RGPD4: variants seen among roughly 807,000 people sequenced by gnomAD.
The protein encoded by RGPD4 is RANBP2 like and GRIP domain containing 4.
A neutral mutation model predicts 141.1 loss-of-function variants in RGPD4; 84 were observed. That is an observed-to-expected ratio of 0.60 (90% CI 0.50 to 0.71). The LOEUF (loss-of-function observed/expected upper bound fraction) is 0.71. Ranked by LOEUF, RGPD4 falls within the 30% of genes least tolerant of loss-of-function variation. The probability of loss-of-function intolerance (pLI) is 0.00; values close to 1 mark genes in which losing one functional copy is unlikely to be tolerated. For synonymous variants in RGPD4, 298 were observed against 566.8 expected (o/e 0.53, Z 6.74); for missense variants, 918 against 1,622.4 (o/e 0.57, Z 7.46).
At chr2:107,828,731 C>G (rs1466706645) in intron 1 of RGPD4, among the ~76,000 whole-genome samples, 1 of 26,592 alleles carries the variant, frequency 3.8e-5, no homozygotes, top group Non-Finnish European at 8.5e-5. Context: ...GCGGCGGCCT[C>G]GACCTGGCCC....
chr2:107,853,580 C>T (rs1682189517), intron 7 of RGPD4, among the ~76,000 whole-genome samples: 1 of 101,736 alleles, frequency 9.8e-6, no homozygotes, highest in African/African-American at 3.8e-5. Flanking sequence ...TTCACCTGTA[C>T]TTTTTAAAGT....
intron 20 of RGPD4, among the ~76,000 whole-genome samples, chr2:107,873,597 A>T (rs79116504): frequency 0.016 from 2,220 of 138,574 alleles, 114 homozygotes; most frequent in African/African-American, 0.053. Context: ...AAAAAAAAAA[A>T]AAATATGATA....
At chr2:107,862,604 A>G in intron 15 of RGPD4, 78 bp from the exon 16 acceptor site, 1 of 735,166 alleles carries the variant, frequency 1.4e-6, no homozygotes, top group Non-Finnish European at 2.2e-6. Flanking sequence ...TAAATAAGAT[A>G]AAATATATCA....
At position 107,866,814 on chromosome 2, in the gene RGPD4, A is replaced by AG. The variant is rs1243670290; in HGVS notation, c.2605+490dup. ...GTTCTGCTCTATCACTTACTATAAT[A>AG]GCTGTGTAAGTTAACCTGCCTGAAA... On this transcript the variant is annotated intron_variant, in intron 18 of 22. Coordinates refer to ENST00000408999, the MANE Select transcript of RGPD4 (RefSeq NM_182588.3). Among the ~76,000 whole-genome samples the AG allele has an allele frequency of 2.6e-5, 3 of 114,174 alleles. No individual in the cohort carries two copies. The South Asian group carries it at 1.1e-3, about 41-fold the overall frequency. The allele number at this position is 114,174 out of a possible 152,430, so 74.9% of individuals were successfully genotyped here.
intron 22 of RGPD4, among the ~76,000 whole-genome samples, chr2:107,884,994 C>A (rs984849992): frequency 6.6e-6 from 1 of 151,618 alleles, no homozygotes; most frequent in Non-Finnish European, 1.5e-5. Context: ...TTTTTATAAT[C>A]TTTCTAATGA....
At chr2:107,854,782 A>G (rs1176407436) in intron 8 of RGPD4, 139 bp downstream of exon 8, 8 of 969,420 alleles carry the variant, frequency 8.3e-6, no homozygotes, top group Non-Finnish European at 1.2e-5. Context: ...TAAGAGCAAT[A>G]GGTATGGAAG....
At chr2:107,844,823 C>CTTTCTTTTTTTTTTTTTTTTT (rs1681859004) in intron 6 of RGPD4, among the ~76,000 whole-genome samples, 1 of 53,856 alleles carries the variant, frequency 1.9e-5, no homozygotes, top group Non-Finnish European at 4.1e-5. Flanking sequence ...TTCTTTCTTT[C>CTTTCTTTTTTTTTTTTTTTTT]TTTTTTGTTT....
chr2:107,875,526 G>A (rs1266712194), intron 20 of RGPD4, among the ~76,000 whole-genome samples: 2 of 141,970 alleles, frequency 1.4e-5, no homozygotes, highest in Admixed American at 1.5e-4. Flanking sequence ...TTCATGACTG[G>A]CTTACTTTAT....
intron 22 of RGPD4, among the ~76,000 whole-genome samples, chr2:107,885,352 G>C (rs907373610): frequency 6.6e-6 from 1 of 152,112 alleles, no homozygotes; most frequent in African/African-American, 2.4e-5. Context: ...GTTTTCAATA[G>C]TTTTCAATAC....
Position 107,831,576 on chromosome 2 carries a change from T to C in RGPD4, c.72+4491T>C, listed in dbSNP as rs1287817058. ...CATTTTCTTTTCTTTTCTTTTCTTT[T>C]TTTTTTTTTTTTTTTTTGAGACGGA... is the stretch of plus-strand genomic sequence containing the variant. On this transcript the variant is annotated intron_variant, in intron 1 of 22. Coordinates refer to ENST00000408999, the MANE Select transcript of RGPD4 (RefSeq NM_182588.3). 1.4e-4 allele frequency among the ~76,000 whole-genome samples: 18 copies of C among 129,720 alleles called. 1 individual carries two copies. The East Asian group carries it at 1.9e-3, about 14-fold the overall frequency. 85.1% of individuals were successfully genotyped at this position (129,720 alleles called of 152,430 possible). A position where few individuals can be genotyped will look rare whatever the true frequency, so the allele number is the denominator to read the frequency against.
chr2:107,872,707 C>G lies in RGPD4; in HGVS notation c.4703C>G (p.Ser1568Cys), dbSNP rs1297263298. The G allele has an allele frequency of 2.5e-6, 4 of 1,611,304 alleles. No individual in the cohort carries two copies. The highest frequency in any genetic ancestry group is 3.4e-6 in the Non-Finnish European group (4 of 1,179,840). ...TTTGGCAACAGTTCTGCCACTGGGT[C>G]TTTGTTTGGATTTAGTTTTAATGCA... ...FAFGNSSATG[S>C]LFGFSFNASL... Residue 1568 changes from serine to cysteine, a missense_variant, in exon 20 of 23, where the codon TCT becomes TGT. By Grantham distance (112) the Ser-to-Cys change is moderately radical. Coordinates refer to ENST00000408999, the MANE Select transcript of RGPD4 (RefSeq NM_182588.3).
intron 1 of RGPD4, 47 bp downstream of exon 1, chr2:107,827,132 CGG>C: frequency 1.7e-6 from 1 of 582,544 alleles, no homozygotes; most frequent in East Asian, 4.7e-5. Context: ...GGCCGGGCGG[CGG>C]AGGCCTCGAC....
chr2:107,840,882 G>T lies in RGPD4; in HGVS notation c.405+1918G>T. Among the ~76,000 whole-genome samples, 2 of 70,030 alleles carry T rather than the reference G, an allele frequency of 2.9e-5. 1 individual carries two copies. The highest frequency in any genetic ancestry group is 1.3e-4 in the African/African-American group (2 of 15,106). The allele number at this position is 70,030 out of a possible 152,430, so 45.9% of individuals were successfully genotyped here. A position where few individuals can be genotyped will look rare whatever the true frequency, so the allele number is the denominator to read the frequency against. ...TCCACCCACTTTGGCCTCCCAAAGT[G>T]CTGGGATTACAGGTGTGAGCCACTG... is the stretch of plus-strand genomic sequence containing the variant. On this transcript the variant is annotated intron_variant, in intron 4 of 22. Coordinates refer to ENST00000408999, the MANE Select transcript of RGPD4 (RefSeq NM_182588.3).
chr2:107,844,479 A>G (rs878856489), intron 6 of RGPD4, among the ~76,000 whole-genome samples: 2 of 152,166 alleles, frequency 1.3e-5, no homozygotes, highest in Non-Finnish European at 2.9e-5. Flanking sequence ...CAGATTAGTA[A>G]TCTCCTCCTT....
chr2:107,844,065 CTT>C (rs1446603176), intron 6 of RGPD4, among the ~76,000 whole-genome samples: 19 of 144,396 alleles, frequency 1.3e-4, no homozygotes, highest in Non-Finnish European at 2.5e-4. Flanking sequence ...ATAGTATAAT[CTT>C]GAGTGAAAAT....
At position 107,829,625 on chromosome 2, in the gene RGPD4, C is replaced by T. The variant is rs1199742410; in HGVS notation, c.72+2540C>T. Among the ~76,000 whole-genome samples, 26 of 152,100 alleles carry T rather than the reference C, an allele frequency of 1.7e-4. 1 individual carries two copies. The highest frequency in any genetic ancestry group is 2.8e-4 in the Non-Finnish European group (19 of 67,986). On this transcript the variant is annotated intron_variant, in intron 1 of 22. Transcript: ENST00000408999. ...TCCCAGGCGGGCTCTGTTGAGGCGC[C>T]GGCCGGCTGGCGCAGTCCTGTGGGC... is the stretch of plus-strand genomic sequence containing the variant.
In RGPD4 at chr2:107,874,347, C is replaced by A. The variant is rs895359555; in HGVS notation, c.4924+1419C>A. On this transcript the variant is annotated intron_variant, in intron 20 of 22. Transcript: ENST00000408999. ...TGCATATTATATATGTTGCACCGAT[C>A]AATTTTAGAAGTGTGGCTACTAGAG... Among the ~76,000 whole-genome samples the A allele has an allele frequency of 1.3e-4, 20 of 149,738 alleles. 1 individual carries two copies. The highest frequency in any genetic ancestry group is 4.6e-4 in the Admixed American group (7 of 15,078).
intron 1 of RGPD4, among the ~76,000 whole-genome samples, chr2:107,834,014 A>G (rs1013062780): frequency 2.6e-5 from 4 of 151,586 alleles, no homozygotes; most frequent in African/African-American, 9.7e-5. Context: ...TCAAAAACAA[A>G]AAAAGGAAGG....
At position 107,882,776 on chromosome 2, in the gene RGPD4, G is replaced by A. The variant is rs1315078994; in HGVS notation, c.5169G>A (p.Leu1723=). 1.9e-6 allele frequency: 3 copies of A among 1,611,298 alleles called. No homozygotes were observed. The African/African-American group carries it at 4.0e-5, about 22-fold the overall frequency. The part of the protein sequence containing the change: ...LKNVLLQFIF[L]KPGSERERLL... ...ACGTCTTGCTGCAGTTCATTTTCTT[G>A]AAGCCAGGTAGTGAAAGAGAGAGAC... The change falls in exon 22 of 23, where the codon TTG becomes TTA. Residue 1723 remains leucine, a synonymous_variant. Transcript: ENST00000408999.
Sources: allele counts gnomAD v4.1 joint callset (sites outside exome capture counted in the v4.1 genomes callset), GRCh38; gene constraint gnomAD v4.1.1; transcripts MANE v1.5; gene names NCBI Gene and HGNC (gene_info 2026-07-23, HGNC 2026-07-21).